The following TRAPPC9 variants were observed in gnomAD, a reference collection of about 807,000 sequenced individuals.
TRAPPC9 encodes the protein trafficking protein particle complex subunit 9, also known as IKK2 binding protein.
A neutral mutation model predicts 124.0 loss-of-function variants in TRAPPC9; 83 were observed. The ratio of observed to expected loss-of-function variants is 0.67; its 90% confidence interval spans 0.56 to 0.80. The LOEUF is 0.80. TRAPPC9 is among the 30% of genes least tolerant of loss of function. The pLI is 0.00. For missense variants in TRAPPC9, 1,302 were observed against 1,508.3 expected, an observed-to-expected ratio of 0.86 and a Z score of 2.27; for synonymous variants, 638 against 617.5, an observed-to-expected ratio of 1.03 and a Z score of -0.49.
intron 21 of TRAPPC9, among the ~76,000 whole-genome samples, chr8:139,810,402 G>A (rs143557552): frequency 5.4e-4 from 82 of 152,236 alleles, no homozygotes; most frequent in African/African-American, 1.7e-3. Context: ...GGGTCCAGCC[G>A]GAGCTGACAA....
chr8:139,846,396 G>A (rs1827087821), intron 21 of TRAPPC9, among the ~76,000 whole-genome samples: 3 of 152,234 alleles, frequency 2.0e-5, no homozygotes, highest in East Asian at 1.9e-4. Context: ...CCCACGACCA[G>A]GCCCCACCAG....
chr8:140,458,470 G>A, upstream of TRAPPC9: 2 of 1,572,784 alleles, frequency 1.3e-6, no homozygotes, highest in Non-Finnish European at 1.7e-6. Context: ...GCGCCTCCAG[G>A]ATCGCAGGGC....
intron 11 of TRAPPC9, among the ~76,000 whole-genome samples, chr8:140,298,360 G>A (rs2065870622): frequency 6.6e-6 from 1 of 152,148 alleles, no homozygotes. Context: ...TGCTCATCAA[G>A]ACAATGTGCT....
At chr8:140,062,466 AG>A (rs531826041) in intron 17 of TRAPPC9, among the ~76,000 whole-genome samples, 14 of 151,912 alleles carry the variant, frequency 9.2e-5, no homozygotes, top group Non-Finnish European at 1.9e-4. Flanking sequence ...CCGCAGCCCC[AG>A]GGCCTTTACT....
chr8:139,950,419 T>A (rs192541817), intron 19 of TRAPPC9, among the ~76,000 whole-genome samples: 40 of 152,300 alleles, frequency 2.6e-4, no homozygotes, highest in African/African-American at 9.4e-4. Flanking sequence ...AAGTTCAGGG[T>A]GGTTGGGGAA....
At chr8:140,123,461 T>C (rs1398846331) in intron 17 of TRAPPC9, among the ~76,000 whole-genome samples, 1 of 152,140 alleles carries the variant, frequency 6.6e-6, no homozygotes, top group Non-Finnish European at 1.5e-5. Context: ...AGCTCTGGAC[T>C]GGTCACATCT....
intron 16 of TRAPPC9, among the ~76,000 whole-genome samples, chr8:140,229,933 G>T (rs1563864898): frequency 6.6e-6 from 1 of 152,164 alleles, no homozygotes; most frequent in Non-Finnish European, 1.5e-5. Context: ...GGCAGAAAAG[G>T]TCCTTTAAAG....
At chr8:140,128,111 T>C (rs2061131570) in intron 17 of TRAPPC9, among the ~76,000 whole-genome samples, 1 of 152,192 alleles carries the variant, frequency 6.6e-6, no homozygotes. Flanking sequence ...GAATTTACAA[T>C]TGTGTTAATT....
chr8:140,022,644 G>T (rs534345077), intron 18 of TRAPPC9, among the ~76,000 whole-genome samples: 1 of 152,276 alleles, frequency 6.6e-6, no homozygotes, highest in South Asian at 2.1e-4. Flanking sequence ...CACACAACAG[G>T]TTCATGATGG....
At chr8:139,921,087 T>C (rs999006146) in intron 19 of TRAPPC9, among the ~76,000 whole-genome samples, 2 of 152,210 alleles carry the variant, frequency 1.3e-5, no homozygotes, top group Non-Finnish European at 2.9e-5. Context: ...ACTCATGTAA[T>C]TTGGATCTTG....
At chr8:140,050,790 C>T (rs143965271) in intron 17 of TRAPPC9, among the ~76,000 whole-genome samples, 112 of 152,282 alleles carry the variant, frequency 7.4e-4, no homozygotes, top group African/African-American at 2.4e-3. Flanking sequence ...GGGAACAACC[C>T]ACCGACAACC....
chr8:139,963,854 A>G lies in TRAPPC9; in HGVS notation c.2810+24872T>C, dbSNP rs900618639. On this transcript the variant is annotated intron_variant, in intron 19 of 22. Coordinates refer to ENST00000438773, the MANE Select transcript of TRAPPC9 (RefSeq NM_001160372.4). The stretch of plus-strand genomic sequence containing the variant: ...AAATACAGAAACAATGGAATCAATT[A>G]AAATGACTGATGATAGGGCATGATT... Among the ~76,000 whole-genome samples, 5 of 152,114 alleles carry G rather than the reference A, an allele frequency of 3.3e-5. No individual in the cohort carries two copies. The East Asian group carries it at 9.6e-4, about 29-fold the overall frequency.
chr8:139,931,234 CAGCTGCAGTAG>C (rs1833123556), intron 19 of TRAPPC9: 1 of 152,190 alleles, frequency 6.6e-6, no homozygotes, highest in Non-Finnish European at 1.5e-5. Flanking sequence ...CACTGAACAC[CAGCTGCAGTAG>C]AGCCGAGCAT....
chr8:139,746,202 T>C (rs569071702), intron 21 of TRAPPC9, among the ~76,000 whole-genome samples: 33 of 152,266 alleles, frequency 2.2e-4, no homozygotes, highest in Admixed American at 1.5e-3. Context: ...AGTTCCCTGC[T>C]CTCTCATGGA....
chr8:140,253,160 G>A (rs901614288), intron 15 of TRAPPC9, among the ~76,000 whole-genome samples: 2 of 152,112 alleles, frequency 1.3e-5, no homozygotes, highest in Non-Finnish European at 2.9e-5. Context: ...CATCTCTAGA[G>A]GCACCGAGCT....
intron 19 of TRAPPC9, among the ~76,000 whole-genome samples, chr8:139,963,962 C>T (rs1835523613): frequency 6.6e-6 from 1 of 152,092 alleles, no homozygotes; most frequent in African/African-American, 2.4e-5. Context: ...CGGTGGCTCA[C>T]GCCTGTAATC....
chr8:139,843,179 G>T (rs1826852835), intron 21 of TRAPPC9, among the ~76,000 whole-genome samples: 1 of 152,228 alleles, frequency 6.6e-6, no homozygotes, highest in Admixed American at 6.5e-5. Flanking sequence ...GTAGGCATTT[G>T]GGCATCTGCT....
Position 139,786,902 on chromosome 8 carries a change from G to C in TRAPPC9, c.3056-54700C>G, listed in dbSNP as rs553270961. Among the ~76,000 whole-genome samples the C allele has an allele frequency of 7.9e-5, 12 of 152,286 alleles. No individual in the cohort carries two copies. The South Asian group carries it at 1.7e-3, about 21-fold the overall frequency. ...GAGGGGAAGGTGTCAGGGAGGGTCA[G>C]AAAGGAGCAGGAGGGAGCTTGGGAG... On this transcript the variant is annotated intron_variant, in intron 21 of 22. Coordinates refer to ENST00000438773, the MANE Select transcript of TRAPPC9 (RefSeq NM_001160372.4).
intron 17 of TRAPPC9, among the ~76,000 whole-genome samples, chr8:140,180,051 C>T (rs1156716102): frequency 9.1e-6 from 1 of 110,264 alleles, no homozygotes; most frequent in Non-Finnish European, 1.7e-5. Flanking sequence ...TATTGAAGCT[C>T]TTAGGTCATT....
Sources: allele counts gnomAD v4.1 joint callset (sites outside exome capture counted in the v4.1 genomes callset), GRCh38; gene constraint gnomAD v4.1.1; transcripts MANE v1.5; gene names NCBI Gene and HGNC (gene_info 2026-07-23, HGNC 2026-07-21).